TAF12: variants seen among roughly 807,000 people sequenced by gnomAD.
TAF12 encodes TATA-box binding protein associated factor 12, also known as transcription initiation factor TFIID subunit 12.
Under a neutral mutation model 20.8 loss-of-function variants are expected in TAF12, and 3 were observed. The observed-to-expected ratio is 0.14, with a 90% CI of 0.07 to 0.37. TAF12 has a LOEUF of 0.37. Ranked by LOEUF, TAF12 falls within the 10% of genes least tolerant of loss-of-function variation. The probability of loss-of-function intolerance (pLI) is 1.00; values close to 1 mark genes in which losing one functional copy is unlikely to be tolerated. For synonymous variants in TAF12, 69 were observed against 70.2 expected (o/e 0.98, Z 0.09); for missense variants, 131 against 197.9 (o/e 0.66, Z 2.03).
In TAF12 at chr1:28,619,268, C is replaced by A. The variant is rs571990895; in HGVS notation, c.169-1238G>T. ...CAGTACTTTGGGAGACCGAGGTGAG[C>A]GGATCACGAGGTGAGAAGACTGAGA... is the stretch of plus-strand genomic sequence containing the variant. On this transcript the variant is annotated intron_variant, in intron 2 of 5. Coordinates refer to ENST00000373824, the MANE Select transcript of TAF12 (RefSeq NM_005644.4). 3.3e-5 allele frequency among the ~76,000 whole-genome samples: 5 copies of A among 151,382 alleles called. No homozygotes were observed. In the East Asian group the frequency reaches 9.8e-4, roughly 30 times the overall value.
intron 3 of TAF12, 110 bp downstream of exon 3, chr1:28,617,843 T>C (rs538686455): frequency 1.9e-6 from 2 of 1,026,628 alleles, no homozygotes; most frequent in South Asian, 2.7e-5. Context: ...TCCTCCTGCT[T>C]TGGTCTCTCA....
intron 1 of TAF12, among the ~76,000 whole-genome samples, chr1:28,622,883 C>T (rs1010117844): frequency 1.4e-4 from 21 of 151,728 alleles, no homozygotes; most frequent in Admixed American, 5.9e-4. Flanking sequence ...ATTGGCTAGG[C>T]GTAGTGGCAC....
chr1:28,636,132 A>G (rs1288493870), intron 1 of TAF12, among the ~76,000 whole-genome samples: 2 of 152,202 alleles, frequency 1.3e-5, no homozygotes, highest in Non-Finnish European at 2.9e-5. Flanking sequence ...AGAGCAATAG[A>G]AATGCAAGAT....
At chr1:28,616,310 C>T (rs186517207) in intron 3 of TAF12, among the ~76,000 whole-genome samples, 297 of 150,742 alleles carry the variant, frequency 2.0e-3, no homozygotes, top group Non-Finnish European at 3.3e-3. Flanking sequence ...GTGGAAGAAT[C>T]ACTTGAACCT....
chr1:28,643,643 T>C (rs2124398407), upstream of TAF12: 1 of 152,326 alleles, frequency 6.6e-6, no homozygotes, highest in African/African-American at 2.4e-5. Context: ...CTGTGAGAGA[T>C]TAAGCAAAGT....
intron 3 of TAF12, among the ~76,000 whole-genome samples, chr1:28,615,019 C>T (rs747508347): frequency 1.2e-4 from 18 of 151,860 alleles, no homozygotes; most frequent in East Asian, 3.9e-4. Flanking sequence ...TGAAGTGGGA[C>T]GCCTGCTTGA....
intron 1 of TAF12, among the ~76,000 whole-genome samples, chr1:28,622,984 G>A (rs558934726): frequency 1.9e-4 from 29 of 151,158 alleles, no homozygotes; most frequent in African/African-American, 5.1e-4. Context: ...CCGAGATCAC[G>A]CCACTGTACT....
chr1:28,640,526 C>T (rs1422157093), intron 1 of TAF12, among the ~76,000 whole-genome samples: 4 of 152,090 alleles, frequency 2.6e-5, no homozygotes, highest in Non-Finnish European at 5.9e-5. Context: ...ATCTGTACAA[C>T]GGGACTGACA....
At chr1:28,635,561 T>C (rs2124378992) in intron 1 of TAF12, among the ~76,000 whole-genome samples, 1 of 151,362 alleles carries the variant, frequency 6.6e-6, no homozygotes, top group Admixed American at 6.6e-5. Context: ...CACCTCGGCC[T>C]CCCAAAGTGC....
chr1:28,605,333 T>C (rs1445913341), intron 5 of TAF12, 39 bp downstream of exon 5: 1 of 1,600,484 alleles, frequency 6.2e-7, no homozygotes, highest in South Asian at 1.1e-5. Context: ...ACTCAAGGAA[T>C]CAGCCCTGGC....
intron 4 of TAF12, among the ~76,000 whole-genome samples, chr1:28,609,769 G>A (rs1175481921): frequency 6.6e-6 from 1 of 152,198 alleles, no homozygotes; most frequent in African/African-American, 2.4e-5. Context: ...TTACAGGCGT[G>A]AGCCACCGTG....
chr1:28,629,775 G>C (rs1667557746), intron 1 of TAF12, among the ~76,000 whole-genome samples: 1 of 151,642 alleles, frequency 6.6e-6, no homozygotes, highest in Non-Finnish European at 1.5e-5. Context: ...TGAGTAGCTG[G>C]GGCTACAAGT....
intron 1 of TAF12, among the ~76,000 whole-genome samples, chr1:28,636,357 G>A (rs1557474111): frequency 6.6e-6 from 1 of 150,598 alleles, no homozygotes; most frequent in African/African-American, 2.4e-5. Flanking sequence ...GTAGTATAGT[G>A]TATAGTACAG....
chr1:28,610,155 T>C (rs1666803660), intron 4 of TAF12, among the ~76,000 whole-genome samples: 1 of 151,870 alleles, frequency 6.6e-6, no homozygotes. Context: ...TTTTTGTATT[T>C]CTAGTAGAGA....
At chr1:28,620,113 T>C (rs969776339) in intron 2 of TAF12, among the ~76,000 whole-genome samples, 1 of 152,028 alleles carries the variant, frequency 6.6e-6, no homozygotes, top group South Asian at 2.1e-4. Flanking sequence ...ATATAACTTT[T>C]GAAATAAGGA....
intron 5 of TAF12, among the ~76,000 whole-genome samples, chr1:28,604,096 G>C (rs900683249): frequency 1.3e-5 from 2 of 152,160 alleles, no homozygotes; most frequent in African/African-American, 2.4e-5. Flanking sequence ...GTAGAGACAG[G>C]GTTTCACTAC....
At chr1:28,639,794 G>C (rs1411612462) in intron 1 of TAF12, among the ~76,000 whole-genome samples, 1 of 151,708 alleles carries the variant, frequency 6.6e-6, no homozygotes, top group Non-Finnish European at 1.5e-5. Flanking sequence ...TCTAGTTCAT[G>C]ATATAATTAA....
At chr1:28,636,710 A>G (rs1056961856) in intron 1 of TAF12, among the ~76,000 whole-genome samples, 2 of 151,714 alleles carry the variant, frequency 1.3e-5, no homozygotes, top group African/African-American at 4.8e-5. Context: ...TTAAGGCGGG[A>G]GGATCACTTG....
chr1:28,613,126 T>C, intron 4 of TAF12, 121 bp downstream of exon 4: 1 of 665,734 alleles, frequency 1.5e-6, no homozygotes, highest in Non-Finnish European at 2.4e-6. Context: ...ATTGAATTAA[T>C]ACATAAATCC....
Sources: gnomAD v4.1 joint callset for allele counts (sites outside exome capture counted in the v4.1 genomes callset) on GRCh38, gnomAD v4.1.1 for gene constraint, MANE v1.5 for transcripts, NCBI Gene and HGNC (gene_info 2026-07-23, HGNC 2026-07-21) for gene names.